The following SRGAP2 variants were observed in gnomAD, a reference collection of about 807,000 sequenced individuals.
SRGAP2 encodes the protein SLIT-ROBO Rho GTPase activating protein 2, also known as SLIT-ROBO Rho GTPase-activating protein 2.
A neutral mutation model predicts 57.2 loss-of-function variants in SRGAP2; 15 were observed. That is an observed-to-expected ratio of 0.26 (90% confidence interval 0.18 to 0.40). The LOEUF is 0.40. Among genes scored for constraint, SRGAP2 ranks in the 10% least tolerant of loss-of-function variants. The pLI is 1.00. For synonymous variants in SRGAP2, 249 were observed against 248.0 expected (o/e 1.00, Z -0.04); for missense variants, 520 against 669.6 (o/e 0.78, Z 2.47).
chr1:206,437,546 T>C (rs1661882984), intron 15 of SRGAP2: 1 of 186,978 alleles, frequency 5.3e-6, no homozygotes, highest in African/African-American at 2.4e-5. Context: ...ATGATTGTTC[T>C]GTAAGTAGGT....
intron 2 of SRGAP2, among the ~76,000 whole-genome samples, chr1:206,260,288 G>A (rs1294963081): frequency 7.2e-5 from 10 of 139,704 alleles, no homozygotes; most frequent in Non-Finnish European, 9.3e-5. Context: ...GCAGAGGTAA[G>A]TAGTTTAAAG....
chr1:206,398,653 G>A (rs1258682460), intron 7 of SRGAP2, among the ~76,000 whole-genome samples: 1 of 151,628 alleles, frequency 6.6e-6, no homozygotes, highest in Non-Finnish European at 1.5e-5. Context: ...TTAAATGCCT[G>A]CTGTGAGCAA....
chr1:206,277,108 G>T (rs1670460472), intron 2 of SRGAP2, among the ~76,000 whole-genome samples: 1 of 151,772 alleles, frequency 6.6e-6, no homozygotes, highest in African/African-American at 2.4e-5. Context: ...GGGATTACAG[G>T]CATGTGCCAC....
At chr1:206,387,172 T>A (rs1261787711) in intron 5 of SRGAP2, among the ~76,000 whole-genome samples, 1 of 150,770 alleles carries the variant, frequency 6.6e-6, no homozygotes, top group Non-Finnish European at 1.5e-5. Context: ...ATAGAATTAT[T>A]TCTTCTGGAG....
At chr1:206,241,946 G>A (rs1292765114) in intron 2 of SRGAP2, among the ~76,000 whole-genome samples, 3 of 138,288 alleles carry the variant, frequency 2.2e-5, no homozygotes, top group African/African-American at 8.7e-5. Flanking sequence ...GTGTGTGTGT[G>A]TGTGTGTTTT....
chr1:206,291,719 A>G (rs1288468522), intron 2 of SRGAP2, among the ~76,000 whole-genome samples: 2 of 149,712 alleles, frequency 1.3e-5, no homozygotes, highest in Non-Finnish European at 2.9e-5. Flanking sequence ...TAGTAAATAT[A>G]TAAGATGTGT....
At chr1:206,411,499 TTCTA>T (rs1271896733) in intron 10 of SRGAP2, among the ~76,000 whole-genome samples, 1 of 152,220 alleles carries the variant, frequency 6.6e-6, no homozygotes, top group African/African-American at 2.4e-5. Context: ...CTATTATGTA[TTCTA>T]TCTGACAGCT....
At chr1:206,422,651 G>T (rs1553364821) in intron 13 of SRGAP2, among the ~76,000 whole-genome samples, 3 of 152,070 alleles carry the variant, frequency 2.0e-5, no homozygotes, top group African/African-American at 7.3e-5. Flanking sequence ...GAGCATGTTT[G>T]CAAGGGGTTT....
chr1:206,440,619 C>T (rs1662206551), intron 17 of SRGAP2, among the ~76,000 whole-genome samples: 2 of 151,834 alleles, frequency 1.3e-5, no homozygotes, highest in South Asian at 4.2e-4. Flanking sequence ...GCGATCTTGG[C>T]TTACTGCAAC....
intron 2 of SRGAP2, among the ~76,000 whole-genome samples, chr1:206,248,443 T>TA: frequency 6.6e-6 from 1 of 152,220 alleles, no homozygotes; most frequent in African/African-American, 2.4e-5. Flanking sequence ...GAACTTTTAA[T>TA]AAAAATAAAT....
At chr1:206,369,071 G>A (rs1654290718) in intron 4 of SRGAP2, among the ~76,000 whole-genome samples, 1 of 152,146 alleles carries the variant, frequency 6.6e-6, no homozygotes, top group East Asian at 1.9e-4. Context: ...TTGGCACTCA[G>A]TTATAAATAA....
chr1:206,351,168 G>A (rs1287721358), intron 4 of SRGAP2, among the ~76,000 whole-genome samples: 4 of 152,164 alleles, frequency 2.6e-5, no homozygotes, highest in Non-Finnish European at 5.9e-5. Context: ...AGGGCATTTT[G>A]GGTGGTGTGA....
intron 2 of SRGAP2, among the ~76,000 whole-genome samples, chr1:206,283,284 T>C (rs1335503417): frequency 6.7e-6 from 1 of 148,904 alleles, no homozygotes; most frequent in Non-Finnish European, 1.5e-5. Flanking sequence ...GTAGACTAGA[T>C]TCCTTTGGAA....
chr1:206,422,887 C>G (rs1410755307), intron 13 of SRGAP2, among the ~76,000 whole-genome samples: 1 of 152,184 alleles, frequency 6.6e-6, no homozygotes, highest in Non-Finnish European at 1.5e-5. Context: ...CATTCTGCTG[C>G]CCCAGTTTCT....
chr1:206,209,763 A>G (rs1268293737), intron 2 of SRGAP2, among the ~76,000 whole-genome samples: 4 of 151,806 alleles, frequency 2.6e-5, no homozygotes, highest in African/African-American at 9.7e-5. Context: ...GCAGATGCTC[A>G]AGTCCCTGAT....
intron 4 of SRGAP2, among the ~76,000 whole-genome samples, chr1:206,383,741 G>A (rs1378430453): frequency 1.4e-5 from 2 of 147,022 alleles, no homozygotes; most frequent in South Asian, 2.1e-4. Flanking sequence ...CTGCTCTTTG[G>A]GGACCAATAG....
chr1:206,432,536 A>G (rs1026125520), intron 14 of SRGAP2, among the ~76,000 whole-genome samples: 4 of 152,228 alleles, frequency 2.6e-5, no homozygotes, highest in East Asian at 1.9e-4. Flanking sequence ...ATGCCCATAC[A>G]TAGAGGAGTG....
At chr1:206,450,644 T>C (rs1380315925) in intron 19 of SRGAP2, among the ~76,000 whole-genome samples, 179 bp downstream of exon 19, 1 of 152,182 alleles carries the variant, frequency 6.6e-6, no homozygotes, top group Non-Finnish European at 1.5e-5. Context: ...CCTTCTCAAA[T>C]AGAATCGCTC....
intron 2 of SRGAP2, among the ~76,000 whole-genome samples, chr1:206,257,846 G>T (rs1338278127): frequency 6.8e-6 from 1 of 146,218 alleles, no homozygotes; most frequent in Non-Finnish European, 1.5e-5. Flanking sequence ...GAGTTAGAGT[G>T]TTTGGGCATT....
Sources: allele counts gnomAD v4.1 joint callset (sites outside exome capture counted in the v4.1 genomes callset), GRCh38; gene constraint gnomAD v4.1.1; transcripts MANE v1.5; gene names NCBI Gene and HGNC (gene_info 2026-07-23, HGNC 2026-07-21).